AUH: variants seen among roughly 807,000 people sequenced by gnomAD.
AUH encodes the protein AU RNA binding methylglutaconyl-CoA hydratase.
In AUH, 29 loss-of-function variants were observed where a neutral mutation model predicts 42.3. The ratio of observed to expected loss-of-function variants is 0.69; its 90% confidence interval spans 0.51 to 0.93. AUH has a LOEUF of 0.93. Ranked by LOEUF, AUH falls within the 40% of genes least tolerant of loss-of-function variation. The pLI, the probability that AUH is intolerant of heterozygous loss-of-function variation, is 0.00. For synonymous variants in AUH, 174 were observed against 166.4 expected (o/e 1.05, Z -0.35); for missense variants, 452 against 438.1 (o/e 1.03, Z -0.28).
chr9:91,259,849 T>C (rs76637330), intron 6 of AUH, among the ~76,000 whole-genome samples: 15 of 152,278 alleles, frequency 9.9e-5, no homozygotes, highest in African/African-American at 3.4e-4. Flanking sequence ...TTTATTCTGA[T>C]AAATATTCCA....
At chr9:91,285,670 T>G (rs1826345421) in intron 6 of AUH, among the ~76,000 whole-genome samples, 1 of 152,112 alleles carries the variant, frequency 6.6e-6, no homozygotes, top group African/African-American at 2.4e-5. Flanking sequence ...ACCTGTTTAT[T>G]CCACAGCTAC....
chr9:91,217,198 T>G, intron 8 of AUH, 79 bp downstream of exon 8: 1 of 1,427,840 alleles, frequency 7.0e-7, no homozygotes, highest in South Asian at 1.2e-5. Context: ...AAAAAAAATG[T>G]AGAAGTCTAA....
chr9:91,291,528 G>T (rs557081699), intron 6 of AUH, among the ~76,000 whole-genome samples: 4 of 152,058 alleles, frequency 2.6e-5, no homozygotes, highest in Non-Finnish European at 5.9e-5. Flanking sequence ...AAATCCTTCT[G>T]GTGTTTTTTA....
intron 6 of AUH, among the ~76,000 whole-genome samples, chr9:91,264,601 T>C (rs769972866): frequency 2.0e-4 from 31 of 152,294 alleles, no homozygotes; most frequent in Middle Eastern, 3.4e-3. Context: ...CTGGAGTACA[T>C]ACTCAACTAT....
chr9:91,279,480 G>T (rs952945145), intron 6 of AUH, among the ~76,000 whole-genome samples: 1 of 152,166 alleles, frequency 6.6e-6, no homozygotes, highest in African/African-American at 2.4e-5. Context: ...GGCTGTACAG[G>T]AAGTGCTGTA....
At chr9:91,342,826 T>C (rs973832165) in intron 3 of AUH, 3 of 152,236 alleles carry the variant, frequency 2.0e-5, no homozygotes, top group African/African-American at 7.2e-5. Flanking sequence ...TCAGGTCTAT[T>C]TGTACACAGA....
chr9:91,223,484 T>C (rs1287226668), intron 6 of AUH, among the ~76,000 whole-genome samples: 1 of 152,216 alleles, frequency 6.6e-6, no homozygotes, highest in Non-Finnish European at 1.5e-5. Flanking sequence ...GAAGGATACC[T>C]GGGTTGCTCT....
intron 6 of AUH, among the ~76,000 whole-genome samples, chr9:91,277,807 T>C (rs1825662008): frequency 6.6e-6 from 1 of 152,246 alleles, no homozygotes; most frequent in African/African-American, 2.4e-5. Context: ...TCTGATTTCC[T>C]AATCAGACAT....
intron 6 of AUH, among the ~76,000 whole-genome samples, chr9:91,231,182 C>T (rs1054773698): frequency 6.6e-6 from 1 of 152,176 alleles, no homozygotes; most frequent in Admixed American, 6.5e-5. Context: ...TCTCAGACTG[C>T]TGTGCTAGCA....
At chr9:91,218,054 G>A (rs926056290) in intron 7 of AUH, among the ~76,000 whole-genome samples, 10 of 152,126 alleles carry the variant, frequency 6.6e-5, no homozygotes, top group Non-Finnish European at 1.5e-4. Flanking sequence ...CCATTTATGG[G>A]TAATAAATGT....
chr9:91,333,443 T>C (rs1251189837), intron 3 of AUH, among the ~76,000 whole-genome samples: 1 of 152,232 alleles, frequency 6.6e-6, no homozygotes, highest in African/African-American at 2.4e-5. Context: ...TGAATTTTCA[T>C]TACAAGTATT....
intron 7 of AUH, 123 bp downstream of exon 7, chr9:91,220,682 C>T (rs145374129): frequency 2.6e-5 from 25 of 963,886 alleles, no homozygotes; most frequent in South Asian, 1.1e-4. Flanking sequence ...ACAGAGCCCA[C>T]GCATCCCTTT....
chr9:91,311,476 C>A (rs958743376), intron 4 of AUH, among the ~76,000 whole-genome samples: 21 of 152,316 alleles, frequency 1.4e-4, no homozygotes, highest in Non-Finnish European at 2.5e-4. Context: ...ATTCTGTAAT[C>A]TAAAATTCTA....
At chr9:91,267,122 A>C (rs1174492087) in intron 6 of AUH, among the ~76,000 whole-genome samples, 1 of 152,226 alleles carries the variant, frequency 6.6e-6, no homozygotes, top group Non-Finnish European at 1.5e-5. Context: ...CTAGCAATGC[A>C]TGCCCTAGAA....
At chr9:91,218,618 T>C (rs766622525) in intron 7 of AUH, 15 of 985,240 alleles carry the variant, frequency 1.5e-5, no homozygotes, top group Non-Finnish European at 1.7e-5. Context: ...TAGAAAGCCA[T>C]GAGAAAAACA....
chr9:91,224,142 C>A (rs756951912), intron 6 of AUH, among the ~76,000 whole-genome samples: 17 of 152,180 alleles, frequency 1.1e-4, no homozygotes, highest in Non-Finnish European at 2.2e-4. Context: ...GCTTTCTGTG[C>A]AGTGAACAGG....
At chr9:91,217,515 A>G (rs1238413706) in intron 7 of AUH, among the ~76,000 whole-genome samples, 188 bp from the exon 8 acceptor site, 1 of 152,100 alleles carries the variant, frequency 6.6e-6, no homozygotes, top group Non-Finnish European at 1.5e-5. Flanking sequence ...CAACCACATC[A>G]GCACATTATT....
chr9:91,264,674 T>C (rs1218320249), intron 6 of AUH, among the ~76,000 whole-genome samples: 1 of 152,178 alleles, frequency 6.6e-6, no homozygotes, highest in Non-Finnish European at 1.5e-5. Context: ...CCCAGCACTT[T>C]GGGAGCCCAC....
At chr9:91,239,402 C>T (rs184276580) in intron 6 of AUH, among the ~76,000 whole-genome samples, 48 of 152,190 alleles carry the variant, frequency 3.2e-4, no homozygotes, top group Non-Finnish European at 4.9e-4. Flanking sequence ...TTTCCTTGAA[C>T]CATGGGAGGA....
Sources: gnomAD v4.1 joint callset for allele counts (sites outside exome capture counted in the v4.1 genomes callset) on GRCh38, gnomAD v4.1.1 for gene constraint, MANE v1.5 for transcripts, NCBI Gene and HGNC (gene_info 2026-07-23, HGNC 2026-07-21) for gene names.